Variants in APBA2 observed in about 807,000 individuals in gnomAD.
APBA2 encodes the protein amyloid-beta A4 precursor protein-binding family A member 2.
Under a neutral mutation model 75.0 loss-of-function variants are expected in APBA2, and 30 were observed. That is an observed-to-expected ratio of 0.40 (90% CI 0.30 to 0.54). APBA2 has a LOEUF of 0.54. APBA2 is among the 20% of genes least tolerant of loss of function. The pLI is 0.49. For synonymous variants in APBA2, 444 were observed against 409.6 expected, an observed-to-expected ratio of 1.08 and a Z score of -1.01; for missense variants, 801 against 1,016.1, an observed-to-expected ratio of 0.79 and a Z score of 2.88.
At chr15:29,093,737 G>A (rs903425615) in intron 7 of APBA2, among the ~76,000 whole-genome samples, 7 of 152,180 alleles carry the variant, frequency 4.6e-5, no homozygotes, top group African/African-American at 1.4e-4. Context: ...GGGAGGGGAT[G>A]CAGCCATCTG....
intron 6 of APBA2, among the ~76,000 whole-genome samples, chr15:29,085,289 G>T (rs1489807003): frequency 2.6e-5 from 4 of 152,092 alleles, no homozygotes; most frequent in African/African-American, 9.7e-5. Context: ...ACTTTGGGAG[G>T]CTAAGACGGG....
chr15:28,962,084 T>C (rs1387831130), intron 2 of APBA2, among the ~76,000 whole-genome samples: 2 of 152,126 alleles, frequency 1.3e-5, no homozygotes, highest in Admixed American at 1.3e-4. Flanking sequence ...TTTTAATCTA[T>C]CGTCGTGAAC....
At chr15:29,025,824 G>A (rs190510799) in intron 3 of APBA2, among the ~76,000 whole-genome samples, 66 of 152,144 alleles carry the variant, frequency 4.3e-4, no homozygotes, top group African/African-American at 1.6e-3. Context: ...GGTGGTGGGT[G>A]CCTGTAATCC....
chr15:29,106,558 G>A (rs2044415519), intron 11 of APBA2, 49 bp from the exon 12 acceptor site: 1 of 1,603,096 alleles, frequency 6.2e-7, no homozygotes. Flanking sequence ...CTTGGCAGAG[G>A]CCTCGGTCCT....
At chr15:29,104,189 T>A (rs2152967886) in intron 10 of APBA2, among the ~76,000 whole-genome samples, 1 of 152,300 alleles carries the variant, frequency 6.6e-6, no homozygotes, top group Non-Finnish European at 1.5e-5. Context: ...TGTTTTCACC[T>A]GTTTTGGGAT....
intron 4 of APBA2, among the ~76,000 whole-genome samples, chr15:29,059,921 A>G (rs2042059077): frequency 6.6e-6 from 1 of 152,216 alleles, no homozygotes; most frequent in African/African-American, 2.4e-5. Context: ...TAGCGGAGAC[A>G]CCAGCCAGCC....
intron 6 of APBA2, among the ~76,000 whole-genome samples, chr15:29,084,826 G>A (rs889663297): frequency 1.3e-5 from 2 of 152,196 alleles, no homozygotes; most frequent in Admixed American, 1.3e-4. Flanking sequence ...TTCCTGCAGT[G>A]TGGATTTTGC....
chr15:29,007,254 C>G (rs191932413), intron 3 of APBA2, among the ~76,000 whole-genome samples: 11 of 152,192 alleles, frequency 7.2e-5, no homozygotes, highest in African/African-American at 2.6e-4. Context: ...AGATCAAAGA[C>G]CTGAACATAA....
chr15:29,055,668 A>AGAGTGTGT (rs2041850135), intron 4 of APBA2, among the ~76,000 whole-genome samples: 1 of 127,456 alleles, frequency 7.8e-6, no homozygotes, highest in African/African-American at 2.8e-5. Flanking sequence ...CATGAATTTG[A>AGAGTGTGT]GTGTGTGTGT....
At chr15:28,901,430 A>C (rs1341534942) in intron 1 of APBA2, among the ~76,000 whole-genome samples, 2 of 151,814 alleles carry the variant, frequency 1.3e-5, no homozygotes, top group Non-Finnish European at 2.9e-5. Context: ...TGGCATTTGC[A>C]CTATGGAAAG....
chr15:28,924,446 C>A (rs2034148321), intron 2 of APBA2, among the ~76,000 whole-genome samples: 1 of 152,142 alleles, frequency 6.6e-6, no homozygotes, highest in Non-Finnish European at 1.5e-5. Context: ...CTCTGGCAAC[C>A]CCAATCTGCT....
intron 1 of APBA2, 94 bp from the exon 2 acceptor site, chr15:28,921,546 G>A (rs1224183107): frequency 1.3e-5 from 2 of 152,218 alleles, no homozygotes; most frequent in African/African-American, 4.8e-5. Flanking sequence ...GTGGCCCATC[G>A]TTGCCATCCA....
chr15:29,018,902 C>A (rs1297336768), intron 3 of APBA2, among the ~76,000 whole-genome samples: 1 of 152,282 alleles, frequency 6.6e-6, no homozygotes, highest in East Asian at 1.9e-4. Context: ...GGAGTTTTGG[C>A]TTCTTTAACT....
At position 28,896,440 on chromosome 15, in the gene APBA2, C is replaced by T. The variant is rs796492463; in HGVS notation, c.-205+10162C>T. Among the ~76,000 whole-genome samples the T allele has an allele frequency of 3.0e-4, 46 of 152,242 alleles. 1 individual carries two copies. Among genetic ancestry groups the T allele is most frequent in the South Asian group, 2.3e-3 (11 of 4,816 alleles). ...GACTACAGGCGCCCGCCACCACCCC[C>T]GGCTAATTTTTTGTATTTTTAGTAG... On this transcript the variant is annotated intron_variant, in intron 1 of 14. Coordinates refer to ENST00000683413, the MANE Select transcript of APBA2 (RefSeq NM_001353788.2).
intron 14 of APBA2, among the ~76,000 whole-genome samples, chr15:29,116,391 CCGAGGCGGGCGTAT>C (rs1320564909): frequency 6.6e-6 from 1 of 152,086 alleles, no homozygotes; most frequent in African/African-American, 2.4e-5. Context: ...CTTTGGGAGG[CCGAGGCGGGCGTAT>C]CACGAGGTCG....
chr15:29,054,522 G>C lies in APBA2; in HGVS notation c.638G>C (p.Arg213Thr). The C allele has an allele frequency of 1.2e-6, 2 of 1,613,434 alleles. No individual in the cohort carries two copies. Among genetic ancestry groups the C allele is most frequent in the South Asian group, 2.2e-5 (2 of 90,952 alleles). The change falls in exon 4 of 15, where the codon AGG becomes ACG. Residue 213 changes from arginine to threonine, a missense_variant. Transcript: ENST00000683413. This position sits in a 1 kb window ranked among gnomAD's most constrained non-coding sequence, Gnocchi z 6.1. ...ACCGGCGCCTCCCCCTACCGCCTGAGGCGTGGGGATGGGGACCTGGAGGAC... is the reference window on the plus strand; with the variant it reads ...ACCGGCGCCTCCCCCTACCGCCTGACGCGTGGGGATGGGGACCTGGAGGAC... ...GNTGASPYRL[R>T]RGDGDLEDQE... is the part of the protein sequence containing the mutation.
chr15:28,900,195 G>A (rs972287969), intron 1 of APBA2, among the ~76,000 whole-genome samples: 1 of 152,180 alleles, frequency 6.6e-6, no homozygotes, highest in African/African-American at 2.4e-5. Flanking sequence ...AGCCTCCTCC[G>A]CCTGGACTCA....
intron 3 of APBA2, among the ~76,000 whole-genome samples, chr15:29,014,035 C>T (rs574015038): frequency 6.6e-6 from 1 of 152,342 alleles, no homozygotes; most frequent in South Asian, 2.1e-4. Flanking sequence ...GTCTGCATCC[C>T]AGTTTTGTGT....
chr15:29,003,899 T>C (rs780555827), intron 3 of APBA2, among the ~76,000 whole-genome samples: 41 of 152,218 alleles, frequency 2.7e-4, no homozygotes, highest in Admixed American at 5.2e-4. Flanking sequence ...TTTAATGACA[T>C]GGACAGAAGA....
Sources: allele counts gnomAD v4.1 joint callset (sites outside exome capture counted in the v4.1 genomes callset), GRCh38; gene constraint gnomAD v4.1.1; non-coding constraint Gnocchi (gnomAD v3.1); transcripts MANE v1.5; gene names NCBI Gene and HGNC (gene_info 2026-07-23, HGNC 2026-07-21).